Variants in TRAF3 observed in about 807,000 individuals in gnomAD.
TRAF3 encodes TNF receptor associated factor 3.
TRAF3 carries 13 observed loss-of-function variants against 62.3 expected under a neutral mutation model. The ratio of observed to expected loss-of-function variants is 0.21; its 90% CI spans 0.14 to 0.33. The LOEUF is 0.33. Ranked by LOEUF, TRAF3 falls within the 10% of genes least tolerant of loss-of-function variation. TRAF3 has a pLI of 1.00. For missense variants in TRAF3, 440 were observed against 741.8 expected, an observed-to-expected ratio of 0.59 and a Z score of 4.73; for synonymous variants, 269 against 283.4, an observed-to-expected ratio of 0.95 and a Z score of 0.51.
Position 102,866,546 on chromosome 14 carries a change from A to G in TRAF3, c.-17-3639A>G, listed in dbSNP as rs191866669. On this transcript the variant is annotated intron_variant, in intron 2 of 11. Transcript: ENST00000392745. Reference sequence around the variant, plus strand: ...ATCAATATTACGAGACAGGAACCCAATTAAAAAAATGACACCACCAGGCGC... The same window carrying G: ...ATCAATATTACGAGACAGGAACCCAGTTAAAAAAATGACACCACCAGGCGC... Among the ~76,000 whole-genome samples, 12 of 152,332 alleles carry G rather than the reference A, an allele frequency of 7.9e-5. No individual in the cohort carries two copies. In the East Asian group the frequency reaches 1.3e-3, roughly 17 times the overall value.
At chr14:102,796,034 T>C (rs1315525966) in intron 1 of TRAF3, among the ~76,000 whole-genome samples, 1 of 152,092 alleles carries the variant, frequency 6.6e-6, no homozygotes, top group Admixed American at 6.5e-5. Context: ...CTGGTCAACA[T>C]GGTGAAACCC....
At chr14:102,793,675 G>A (rs1180469489) in intron 1 of TRAF3, among the ~76,000 whole-genome samples, 1 of 152,176 alleles carries the variant, frequency 6.6e-6, no homozygotes, top group Non-Finnish European at 1.5e-5. Flanking sequence ...CTTACAGCTG[G>A]GGAAAATCAT....
At chr14:102,822,674 A>G (rs1475459134) in intron 1 of TRAF3, among the ~76,000 whole-genome samples, 1 of 152,200 alleles carries the variant, frequency 6.6e-6, no homozygotes, top group Non-Finnish European at 1.5e-5. Context: ...ACTCATTGTG[A>G]ATTGTGAGTC....
chr14:102,870,336 G>C lies in TRAF3; in HGVS notation c.135G>C (p.Lys45Asn). Reference protein sequence around the residue: ...EQGGYKEKFVKTVEDKYKCEK... With the variant: ...EQGGYKEKFVNTVEDKYKCEK... ...GAGGTTACAAGGAAAAGTTTGTGAA[G>C]ACCGTGGAGGACAAGTACAAGTGTG... Residue 45 changes from lysine to asparagine, a missense_variant, in exon 3 of 12, where the codon AAG becomes AAC. This residue lies in a region of TRAF3 where 255 missense variants were observed against 424.1 expected (regional missense o/e 0.60). Transcript: ENST00000392745. 6.2e-7 allele frequency: 1 copy of C among 1,614,214 alleles called. No homozygotes were observed. Among genetic ancestry groups the C allele is most frequent in the Non-Finnish European group, 8.5e-7 (1 of 1,180,036 alleles).
At chr14:102,798,046 G>A (rs968094212) in intron 1 of TRAF3, among the ~76,000 whole-genome samples, 4 of 152,054 alleles carry the variant, frequency 2.6e-5, no homozygotes, top group African/African-American at 7.2e-5. Context: ...CTAGGCACTC[G>A]TATTTCTTAG....
At chr14:102,794,105 A>G (rs964774771) in intron 1 of TRAF3, among the ~76,000 whole-genome samples, 1 of 152,174 alleles carries the variant, frequency 6.6e-6, no homozygotes, top group Non-Finnish European at 1.5e-5. Context: ...TGCTTCTTAC[A>G]TGACAACTCA....
At chr14:102,816,206 G>T (rs1216694909) in intron 1 of TRAF3, among the ~76,000 whole-genome samples, 1 of 151,828 alleles carries the variant, frequency 6.6e-6, no homozygotes, top group Non-Finnish European at 1.5e-5. Flanking sequence ...GGGCTCAGGT[G>T]ATCCTCTCAC....
intron 2 of TRAF3, among the ~76,000 whole-genome samples, chr14:102,856,050 C>T (rs1004101234): frequency 6.7e-6 from 1 of 148,438 alleles, no homozygotes; most frequent in African/African-American, 2.5e-5. Flanking sequence ...CACGTTCACA[C>T]CACTGCACTC....
At chr14:102,838,362 G>A (rs1241685477) in intron 2 of TRAF3, among the ~76,000 whole-genome samples, 3 of 152,194 alleles carry the variant, frequency 2.0e-5, no homozygotes, top group African/African-American at 7.2e-5. Flanking sequence ...TAAGTGTTGT[G>A]ATGGGTGTCC....
At chr14:102,832,128 A>C (rs1566762327) in intron 2 of TRAF3, among the ~76,000 whole-genome samples, 4 of 151,898 alleles carry the variant, frequency 2.6e-5, no homozygotes, top group Admixed American at 2.0e-4. Flanking sequence ...ATATATATTT[A>C]TCATGTACAA....
intron 4 of TRAF3, among the ~76,000 whole-genome samples, chr14:102,875,226 C>T (rs1040791647): frequency 6.6e-6 from 1 of 152,186 alleles, no homozygotes; most frequent in Non-Finnish European, 1.5e-5. Context: ...CTGGTGACAG[C>T]TGCACCATAA....
chr14:102,789,420 T>C (rs1897676890), intron 1 of TRAF3, among the ~76,000 whole-genome samples: 1 of 152,208 alleles, frequency 6.6e-6, no homozygotes, highest in Admixed American at 6.5e-5. Flanking sequence ...GTTTAACTTA[T>C]TCCCACCAGC....
At chr14:102,866,553 A>T (rs1456726695) in intron 2 of TRAF3, among the ~76,000 whole-genome samples, 3 of 152,220 alleles carry the variant, frequency 2.0e-5, no homozygotes, top group Non-Finnish European at 1.5e-5. Flanking sequence ...CCAATTAAAA[A>T]AATGACACCA....
At chr14:102,870,093 C>G in intron 2 of TRAF3, 92 bp from the exon 3 acceptor site, 1 of 1,519,348 alleles carries the variant, frequency 6.6e-7, no homozygotes, top group Non-Finnish European at 9.1e-7. Context: ...AACTGAAAGA[C>G]AGCAGGTCTC....
chr14:102,806,698 G>C (rs1040242616), intron 1 of TRAF3, among the ~76,000 whole-genome samples: 1 of 152,168 alleles, frequency 6.6e-6, no homozygotes, highest in African/African-American at 2.4e-5. Flanking sequence ...TGAAGACAGG[G>C]AAGTCCATGT....
rs1338058966 is a variant in TRAF3 at position 102,905,200 on chromosome 14, T to G, written c.1136-13T>G. ...ACCTGTCTCATTCACCAAACCCTCC[T>G]CACCTGTGGCAGGCCTGCTGGAGTC... On this transcript the variant is annotated splice_polypyrimidine_tract_variant and intron_variant, in intron 11 of 11. Transcript: ENST00000392745. 2.2e-5 allele frequency: 36 copies of G among 1,612,746 alleles called. No individual in the cohort carries two copies. The highest frequency in any genetic ancestry group is 3.1e-5 in the Non-Finnish European group (36 of 1,179,962).
At chr14:102,852,897 T>C (rs1887131550) in intron 2 of TRAF3, among the ~76,000 whole-genome samples, 1 of 151,528 alleles carries the variant, frequency 6.6e-6, no homozygotes, top group Non-Finnish European at 1.5e-5. Flanking sequence ...ATTTTATTTT[T>C]ATTATTATTT....
intron 1 of TRAF3, among the ~76,000 whole-genome samples, chr14:102,808,572 C>T (rs1444302285): frequency 6.6e-6 from 1 of 151,482 alleles, no homozygotes; most frequent in African/African-American, 2.4e-5. Flanking sequence ...GCTTCCAAGG[C>T]AGCCTCCAAG....
chr14:102,871,680 C>T (rs1888350808), intron 3 of TRAF3, among the ~76,000 whole-genome samples: 1 of 152,258 alleles, frequency 6.6e-6, no homozygotes, highest in Admixed American at 6.5e-5. Context: ...CCAAGTGGGA[C>T]TGAACTAAAC....
Sources: gnomAD v4.1 joint callset for allele counts (sites outside exome capture counted in the v4.1 genomes callset) on GRCh38, gnomAD v4.1.1 for gene constraint, gnomAD v4.1.1 regional missense constraint, MANE v1.5 for transcripts, NCBI Gene and HGNC (gene_info 2026-07-23, HGNC 2026-07-21) for gene names.